Variants in ADCY8 observed in about 807,000 individuals in gnomAD.
ADCY8 encodes adenylate cyclase type 8.
ADCY8 carries 51 observed loss-of-function variants against 119.7 expected under a neutral mutation model. The observed-to-expected ratio is 0.43, with a 90% CI of 0.34 to 0.54. The LOEUF is 0.54. ADCY8 is among the 20% of genes least tolerant of loss of function. The pLI, the probability that ADCY8 is intolerant of heterozygous loss-of-function variation, is 0.03. For missense variants in ADCY8, 1,383 were observed against 1,598.8 expected, an observed-to-expected ratio of 0.87 and a Z score of 2.30; for synonymous variants, 665 against 651.0, an observed-to-expected ratio of 1.02 and a Z score of -0.33.
chr8:130,818,832 G>A (rs1323923353), intron 13 of ADCY8, among the ~76,000 whole-genome samples: 2 of 152,190 alleles, frequency 1.3e-5, no homozygotes, highest in Non-Finnish European at 2.9e-5. Context: ...GAAACAGAAT[G>A]GAACTAGGAG....
At chr8:130,869,850 G>A (rs16904381) in intron 8 of ADCY8, among the ~76,000 whole-genome samples, 7,869 of 151,896 alleles carry the variant, frequency 0.052, 638 homozygotes, top group African/African-American at 0.18. Flanking sequence ...GCATGGTTGC[G>A]TAGATTTGAT....
At position 131,001,569 on chromosome 8, in the gene ADCY8, ATATAT is replaced by A. The variant is rs1385788264; in HGVS notation, c.961-11032_961-11028del. ...TATACATACTATATATACAAATATTATATATTATATATATCTAATATATACACATA... is the reference window on the plus strand; with the variant it reads ...TATACATACTATATATACAAATATTATATATATATCTAATATATACACATA... On this transcript the variant is annotated intron_variant, in intron 1 of 17. Transcript: ENST00000286355. Among the ~76,000 whole-genome samples the A allele has an allele frequency of 2.7e-5, 4 of 147,800 alleles. No homozygotes were observed. In the Admixed American group the frequency reaches 2.7e-4, roughly 10 times the overall value.
At chr8:130,795,033 G>C (rs991511128) in intron 15 of ADCY8, among the ~76,000 whole-genome samples, 5 of 152,134 alleles carry the variant, frequency 3.3e-5, no homozygotes, top group African/African-American at 9.7e-5. Context: ...AGACCAGCCT[G>C]GCCAACGTGG....
intron 9 of ADCY8, among the ~76,000 whole-genome samples, chr8:130,856,652 A>G (rs779094704): frequency 5.9e-5 from 9 of 152,198 alleles, no homozygotes; most frequent in African/African-American, 9.7e-5. Flanking sequence ...TGGATAACAC[A>G]TAAATATCGA....
rs79336801 is a variant in ADCY8 at position 130,800,127 on chromosome 8, C to T, written c.3060+299G>A. Reference sequence around the variant, plus strand: ...GGTGTCAGTGCTTGAGTAATATTGGCCTCATAGAGGCCTCTAGTCAAGTCC... The same window carrying T: ...GGTGTCAGTGCTTGAGTAATATTGGTCTCATAGAGGCCTCTAGTCAAGTCC... On this transcript the variant is annotated intron_variant, in intron 15 of 17. Coordinates refer to ENST00000286355, the MANE Select transcript of ADCY8 (RefSeq NM_001115.3). 3.0e-3 allele frequency among the ~76,000 whole-genome samples: 463 copies of T among 152,240 alleles called. 4 individuals carry two copies. The East Asian group carries it at 0.037, about 12-fold the overall frequency.
intron 2 of ADCY8, among the ~76,000 whole-genome samples, chr8:130,960,298 A>G (rs1281924390): frequency 6.6e-6 from 1 of 152,200 alleles, no homozygotes; most frequent in Non-Finnish European, 1.5e-5. Flanking sequence ...CTGGGAAAGA[A>G]AAATGACCCA....
rs1586680284 is a variant in ADCY8, at chr8:131,040,583, G to A, written c.-250C>T. 7.7e-6 allele frequency: 3 copies of A among 388,202 alleles called. No homozygotes were observed. In the East Asian group the frequency reaches 1.2e-4, roughly 15 times the overall value. The allele number at this position is 388,202 out of a possible 1,614,324, so 24.0% of individuals were successfully genotyped here. A position where few individuals can be genotyped will look rare whatever the true frequency, so the allele number is the denominator to read the frequency against. ...TGCTGCTCTCCCGCCAGCCGGCGCA[G>A]CTTGGGTACGCAGCGGCAGTGGCTA... On this transcript the variant is annotated 5_prime_UTR_variant, in exon 1 of 18. Transcript: ENST00000286355.
intron 4 of ADCY8, among the ~76,000 whole-genome samples, chr8:130,939,310 T>A (rs956018578): frequency 3.3e-5 from 5 of 152,228 alleles, no homozygotes; most frequent in Non-Finnish European, 5.9e-5. Flanking sequence ...TTATCATTTT[T>A]AAAATCTCAT....
intron 6 of ADCY8, among the ~76,000 whole-genome samples, chr8:130,907,897 T>C (rs1806800905): frequency 6.6e-6 from 1 of 152,154 alleles, no homozygotes. Flanking sequence ...TCCCACTCTC[T>C]CCCTTCTCCC....
intron 14 of ADCY8, among the ~76,000 whole-genome samples, chr8:130,807,411 A>C (rs753604226): frequency 1.4e-3 from 214 of 152,306 alleles, no homozygotes; most frequent in Non-Finnish European, 2.6e-3. Context: ...ATATGTTGAA[A>C]CTTCACTGCC....
intron 8 of ADCY8, 98 bp from the exon 9 acceptor site, chr8:130,868,044 TTTAAA>T (rs1308353331): frequency 4.5e-5 from 34 of 759,028 alleles, no homozygotes; most frequent in Non-Finnish European, 6.4e-5. Flanking sequence ...TTAGATTTTT[TTTAAA>T]TTAAGAATAA....
Position 130,847,466 on chromosome 8 carries a change from GA to G in ADCY8, c.2459del (p.Phe820SerfsTer26). On this transcript the variant is annotated frameshift_variant, in exon 11 of 18. Transcript: ENST00000286355. LOFTEE classifies it high-confidence loss of function. ...DKSIPLKNLTFNSSAVFTDIC... is the reference protein window; with the variant it reads ...DKSIPLKNLTXNSSAVFTDIC... The stretch of plus-strand genomic sequence containing the variant: ...TATCTGTAAACACAGCTGAGGAATT[GA>G]AAGTCAGGTTCTTCAAGGGTATCGA... The G allele has an allele frequency of 3.1e-6, 5 of 1,611,262 alleles. No individual in the cohort carries two copies. The highest frequency in any genetic ancestry group is 4.2e-6 in the Non-Finnish European group (5 of 1,179,138).
intron 14 of ADCY8, among the ~76,000 whole-genome samples, chr8:130,813,669 C>T (rs1816241710): frequency 6.6e-6 from 1 of 152,104 alleles, no homozygotes; most frequent in South Asian, 2.1e-4. Flanking sequence ...AACTTTTTGA[C>T]TATTGTAAAT....
chr8:130,903,725 AC>A (rs1354665866), intron 7 of ADCY8, 46 bp downstream of exon 7: 1 of 1,597,322 alleles, frequency 6.3e-7, no homozygotes. Flanking sequence ...GGAGATGCAC[AC>A]GAGCATGCAT....
At chr8:130,951,466 T>A (rs1821268754) in intron 3 of ADCY8, among the ~76,000 whole-genome samples, 1 of 152,132 alleles carries the variant, frequency 6.6e-6, no homozygotes, top group African/African-American at 2.4e-5. Flanking sequence ...AAATAAACTG[T>A]CATCCTCTTT....
intron 4 of ADCY8, among the ~76,000 whole-genome samples, chr8:130,943,094 T>C (rs112732323): frequency 7.2e-5 from 11 of 152,082 alleles, no homozygotes; most frequent in African/African-American, 2.7e-4. Context: ...GGAAAGCAGA[T>C]AAAAAGGACT....
intron 9 of ADCY8, among the ~76,000 whole-genome samples, chr8:130,852,486 G>C (rs185766804): frequency 2.2e-4 from 34 of 152,266 alleles, no homozygotes; most frequent in African/African-American, 7.9e-4. Flanking sequence ...CAGGCGGATC[G>C]CTTTGTCAGG....
intron 1 of ADCY8, among the ~76,000 whole-genome samples, chr8:131,027,522 G>C (rs558711042): frequency 1.8e-4 from 28 of 152,286 alleles, no homozygotes; most frequent in African/African-American, 6.5e-4. Context: ...TGGGGGTGGG[G>C]CTGCACTAGA....
chr8:130,869,526 G>GTTT (rs1275593013), intron 8 of ADCY8, among the ~76,000 whole-genome samples: 3 of 114,596 alleles, frequency 2.6e-5, no homozygotes, highest in Admixed American at 9.0e-5. Flanking sequence ...TTGTTTTTTT[G>GTTT]TTTTTTTTTG....
Sources: allele counts gnomAD v4.1 joint callset (sites outside exome capture counted in the v4.1 genomes callset), GRCh38; gene constraint gnomAD v4.1.1; transcripts MANE v1.5; gene names NCBI Gene and HGNC (gene_info 2026-07-23, HGNC 2026-07-21).